PTN: variants seen among roughly 807,000 people sequenced by gnomAD.
The protein encoded by PTN is pleiotrophin.
In PTN, 18 loss-of-function variants were observed where a neutral mutation model predicts 24.1. The ratio of observed to expected loss-of-function variants is 0.75; its 90% CI spans 0.52 to 1.11. PTN has a LOEUF of 1.11. Ranked by LOEUF, PTN falls within the 50% of genes least tolerant of loss-of-function variation. The pLI is 0.00. For missense variants in PTN, 163 were observed against 198.8 expected, an observed-to-expected ratio of 0.82 and a Z score of 1.08; for synonymous variants, 78 against 68.6, an observed-to-expected ratio of 1.14 and a Z score of -0.67.
intron 1 of PTN, among the ~76,000 whole-genome samples, chr7:137,321,995 C>T (rs1306443523): frequency 6.6e-6 from 1 of 152,188 alleles, no homozygotes; most frequent in Non-Finnish European, 1.5e-5. Flanking sequence ...GTTATTTTAT[C>T]TCAGCCCAGG....
intron 4 of PTN, among the ~76,000 whole-genome samples, chr7:137,249,831 C>T (rs1808791924): frequency 1.3e-5 from 2 of 152,110 alleles, no homozygotes; most frequent in African/African-American, 2.4e-5. Flanking sequence ...GAAAGGGCAG[C>T]CTGAACCCTA....
intron 1 of PTN, among the ~76,000 whole-genome samples, chr7:137,292,002 C>T (rs1024957561): frequency 6.6e-6 from 1 of 152,104 alleles, no homozygotes; most frequent in Admixed American, 6.6e-5. Context: ...CTCTGTGTTC[C>T]CTTGTGTCTG....
chr7:137,324,564 G>A (rs909941442), intron 1 of PTN, among the ~76,000 whole-genome samples: 12 of 151,302 alleles, frequency 7.9e-5, no homozygotes, highest in Admixed American at 1.3e-4. Flanking sequence ...TGTTCTTTAA[G>A]AGACAATGTT....
At chr7:137,306,853 C>T (rs1809897525) in intron 1 of PTN, among the ~76,000 whole-genome samples, 1 of 152,056 alleles carries the variant, frequency 6.6e-6, no homozygotes, top group Admixed American at 6.6e-5. Context: ...GTAGCCAGGA[C>T]TAAATGTGGT....
intron 4 of PTN, among the ~76,000 whole-genome samples, chr7:137,234,985 A>T (rs1808494890): frequency 6.6e-6 from 1 of 152,078 alleles, no homozygotes; most frequent in East Asian, 1.9e-4. Flanking sequence ...GATAGAATTC[A>T]TTTTAGCTAA....
At chr7:137,308,726 C>T (rs922275796) in intron 1 of PTN, among the ~76,000 whole-genome samples, 2 of 152,094 alleles carry the variant, frequency 1.3e-5, no homozygotes, top group Admixed American at 6.5e-5. Flanking sequence ...TCTCCATCTC[C>T]CCACAGCACA....
chr7:137,313,596 A>G (rs1048404765), intron 1 of PTN, among the ~76,000 whole-genome samples: 1 of 152,098 alleles, frequency 6.6e-6, no homozygotes, highest in Admixed American at 6.5e-5. Flanking sequence ...TTGCAACTTT[A>G]AAAAATTGAC....
At chr7:137,249,789 A>G (rs1808791012) in intron 4 of PTN, among the ~76,000 whole-genome samples, 1 of 152,124 alleles carries the variant, frequency 6.6e-6, no homozygotes, top group African/African-American at 2.4e-5. Context: ...TCCAAAAACC[A>G]TATGACAACA....
chr7:137,330,305 G>A (rs1308436952), intron 1 of PTN, among the ~76,000 whole-genome samples: 1 of 151,686 alleles, frequency 6.6e-6, no homozygotes, highest in Non-Finnish European at 1.5e-5. Context: ...GAAGAAGATG[G>A]AGAAGGAGAA....
chr7:137,246,862 G>A (rs912867691), intron 4 of PTN, among the ~76,000 whole-genome samples: 4 of 152,162 alleles, frequency 2.6e-5, no homozygotes, highest in African/African-American at 9.7e-5. Flanking sequence ...ATTTGAATCT[G>A]GTTGCACTGC....
intron 1 of PTN, among the ~76,000 whole-genome samples, chr7:137,336,686 C>T (rs1810454708): frequency 6.6e-6 from 1 of 152,090 alleles, no homozygotes; most frequent in Non-Finnish European, 1.5e-5. Flanking sequence ...TAGGATTTTG[C>T]TTGTATGTTT....
At chr7:137,298,665 A>G (rs1429906441) in intron 1 of PTN, among the ~76,000 whole-genome samples, 1 of 151,842 alleles carries the variant, frequency 6.6e-6, no homozygotes, top group African/African-American at 2.4e-5. Flanking sequence ...AAGCAGGACT[A>G]TTTCCTGCCT....
intron 1 of PTN, among the ~76,000 whole-genome samples, chr7:137,274,200 C>T (rs1048437781): frequency 6.6e-6 from 1 of 152,112 alleles, no homozygotes. Flanking sequence ...CCCAATAGTG[C>T]CCCCTCCTTA....
chr7:137,324,433 A>ATATATAG (rs1554383234), intron 1 of PTN, among the ~76,000 whole-genome samples: 1 of 88,804 alleles, frequency 1.1e-5, no homozygotes, highest in Non-Finnish European at 1.9e-5. Context: ...AAAAAAAAAA[A>ATATATAG]ATATATATAT....
chr7:137,323,399 T>C (rs1810198077), intron 1 of PTN, among the ~76,000 whole-genome samples: 1 of 152,198 alleles, frequency 6.6e-6, no homozygotes, highest in African/African-American at 2.4e-5. Context: ...AATTATGTTG[T>C]TGGGGGACTG....
In PTN at chr7:137,283,952, A is replaced by ATTTTTTTTTTTTTTTTTT. The variant is rs753374720; in HGVS notation, c.-1-28996_-1-28979dup. 2.0e-4 allele frequency among the ~76,000 whole-genome samples: 10 copies of ATTTTTTTTTTTTTTTTTT among 48,922 alleles called. 2 individuals carry two copies. The highest frequency in any genetic ancestry group is 7.7e-4 in the East Asian group (1 of 1,294). 32.1% of individuals were successfully genotyped at this position (48,922 alleles called of 152,430 possible). A position where few individuals can be genotyped will look rare whatever the true frequency, so the allele number is the denominator to read the frequency against. On this transcript the variant is annotated intron_variant, in intron 1 of 4. Coordinates refer to ENST00000348225, the MANE Select transcript of PTN (RefSeq NM_002825.7). ...AAATGAATGTGAAAATGAGCATCAGATTTTTTTTTTTTTTTTTTTTTTTTT... is the reference window on the plus strand; with the variant it reads ...AAATGAATGTGAAAATGAGCATCAGATTTTTTTTTTTTTTTTTTTTTTTTTTTTTTTTTTTTTTTTTTT...
At chr7:137,295,341 T>C (rs189755153) in intron 1 of PTN, among the ~76,000 whole-genome samples, 8 of 152,246 alleles carry the variant, frequency 5.3e-5, no homozygotes, top group Non-Finnish European at 4.4e-5. Context: ...TATCTGATAT[T>C]CTCAAAGCAG....
chr7:137,278,635 C>T (rs867742353), intron 1 of PTN, among the ~76,000 whole-genome samples: 2 of 151,838 alleles, frequency 1.3e-5, no homozygotes, highest in African/African-American at 2.4e-5. Context: ...AAACAACAAA[C>T]TTTCAAAATA....
At chr7:137,327,138 T>C (rs2128882200) in intron 1 of PTN, among the ~76,000 whole-genome samples, 1 of 152,234 alleles carries the variant, frequency 6.6e-6, no homozygotes, top group Non-Finnish European at 1.5e-5. Flanking sequence ...AGGGTAAGGG[T>C]TGGTACACAA....
Sources: gnomAD v4.1 joint callset for allele counts (sites outside exome capture counted in the v4.1 genomes callset) on GRCh38, gnomAD v4.1.1 for gene constraint, MANE v1.5 for transcripts, NCBI Gene and HGNC (gene_info 2026-07-23, HGNC 2026-07-21) for gene names.